Variants in PKHD1 observed in about 807,000 individuals in gnomAD.
PKHD1 encodes the protein fibrocystin.
PKHD1 carries 291 observed loss-of-function variants against 412.0 expected under a neutral mutation model. The ratio of observed to expected loss-of-function variants is 0.71; its 90% CI spans 0.64 to 0.78. PKHD1 has a LOEUF of 0.78. Among genes scored for constraint, PKHD1 ranks in the 30% least tolerant of loss-of-function variants. PKHD1 has a pLI of 0.00. For missense variants in PKHD1, 4,825 were observed against 4,950.7 expected, an observed-to-expected ratio of 0.97 and a Z score of 0.76; for synonymous variants, 1,777 against 1,821.5, an observed-to-expected ratio of 0.98 and a Z score of 0.62.
intron 56 of PKHD1, among the ~76,000 whole-genome samples, chr6:51,754,045 C>G (rs1786553270): frequency 6.6e-6 from 1 of 152,152 alleles, no homozygotes; most frequent in African/African-American, 2.4e-5. Flanking sequence ...TTAGATATTC[C>G]TGGTGAAACC....
intron 35 of PKHD1, among the ~76,000 whole-genome samples, chr6:52,002,762 A>G (rs1227226034): frequency 6.6e-6 from 1 of 152,226 alleles, no homozygotes; most frequent in Non-Finnish European, 1.5e-5. Flanking sequence ...GTAATAGGAG[A>G]AACAAAATTA....
chr6:51,944,146 A>G (rs190374045), intron 36 of PKHD1, among the ~76,000 whole-genome samples: 12 of 152,278 alleles, frequency 7.9e-5, no homozygotes, highest in East Asian at 5.8e-4. Context: ...TGAAATGGCC[A>G]GTCCTTGCCT....
intron 35 of PKHD1, among the ~76,000 whole-genome samples, chr6:51,978,555 A>G (rs1300801140): frequency 6.6e-6 from 1 of 152,168 alleles, no homozygotes; most frequent in Admixed American, 6.5e-5. Context: ...AAGTCAACAG[A>G]GGATTAGGGG....
At chr6:51,721,492 C>G (rs886599919) in intron 60 of PKHD1, 1 of 914,554 alleles carries the variant, frequency 1.1e-6, no homozygotes, top group Non-Finnish European at 1.3e-6. Context: ...TCACCTATCA[C>G]TTTATTCCAG....
intron 40 of PKHD1, among the ~76,000 whole-genome samples, chr6:51,908,639 G>GT (rs1308080102): frequency 6.6e-6 from 1 of 152,090 alleles, no homozygotes; most frequent in African/African-American, 2.4e-5. Context: ...GTCATATTCT[G>GT]TTTTTCTGAT....
chr6:51,769,322 C>A (rs1429434794), intron 55 of PKHD1, among the ~76,000 whole-genome samples: 1 of 151,336 alleles, frequency 6.6e-6, no homozygotes, highest in Non-Finnish European at 1.5e-5. Context: ...AAATTTATAT[C>A]TTTCACTATT....
At chr6:51,665,520 G>T (rs956416511) in intron 60 of PKHD1, among the ~76,000 whole-genome samples, 3 of 152,082 alleles carry the variant, frequency 2.0e-5, no homozygotes, top group Non-Finnish European at 4.4e-5. Context: ...ATTTCAGCAA[G>T]AATTTTTACC....
intron 35 of PKHD1, among the ~76,000 whole-genome samples, chr6:51,997,983 G>A (rs1017202785): frequency 6.6e-6 from 1 of 152,236 alleles, no homozygotes; most frequent in Non-Finnish European, 1.5e-5. Flanking sequence ...ATGTGGAATA[G>A]AGTGGGTCTG....
In PKHD1 at chr6:51,880,779, T is replaced by TAAAAAAAAAAAAAAAAAAAAAAAAAA. The variant is rs71544105; in HGVS notation, c.7350+2288_7350+2313dup. Among the ~76,000 whole-genome samples the TAAAAAAAAAAAAAAAAAAAAAAAAAA allele has an allele frequency of 2.0e-4, 6 of 30,036 alleles. 2 individuals are homozygous for TAAAAAAAAAAAAAAAAAAAAAAAAAA. The highest frequency in any genetic ancestry group is 1.2e-3 in the African/African-American group (6 of 4,920). 19.7% of individuals were successfully genotyped at this position (30,036 alleles called of 152,430 possible). ...CTTAGAGTATAATAAAAAAAAAAATTAAAAAAAAAAAAAAAAAAAAAAAAA... is the reference window on the plus strand; with the variant it reads ...CTTAGAGTATAATAAAAAAAAAAATTAAAAAAAAAAAAAAAAAAAAAAAAAAAAAAAAAAAAAAAAAAAAAAAAAAA... On this transcript the variant is annotated intron_variant, in intron 46 of 66. Transcript: ENST00000371117.
At position 51,658,996 on chromosome 6, in the gene PKHD1, G is replaced by T. The variant is rs146224907; in HGVS notation, c.11130C>A (p.Ile3710=). The change falls in exon 61 of 67, where the codon ATC becomes ATA. Residue 3710 remains isoleucine, a synonymous_variant. Coordinates refer to ENST00000371117, the MANE Select transcript of PKHD1 (RefSeq NM_138694.4). The stretch of plus-strand genomic sequence containing the variant: ...TTGACTGAGTAACTAGTAAGGCCCC[G>T]ATAGTCATATTCAGAACATTCTCTA... ...GVLENVLNMT[I]GALLVTQSKG... The T allele has an allele frequency of 6.2e-7, 1 of 1,612,808 alleles. No homozygotes were observed. Among genetic ancestry groups the T allele is most frequent in the South Asian group, 1.1e-5 (1 of 91,048 alleles).
chr6:51,958,370 G>A (rs1009626561), intron 36 of PKHD1, among the ~76,000 whole-genome samples: 1 of 152,048 alleles, frequency 6.6e-6, no homozygotes, highest in Non-Finnish European at 1.5e-5. Context: ...AACCACTATT[G>A]GAGGTTGGGG....
At chr6:51,657,656 C>A (rs1772101598) in intron 61 of PKHD1, among the ~76,000 whole-genome samples, 1 of 152,034 alleles carries the variant, frequency 6.6e-6, no homozygotes, top group South Asian at 2.1e-4. Context: ...TAAAAGTGAT[C>A]TTTTCTCTGA....
intron 52 of PKHD1, among the ~76,000 whole-genome samples, chr6:51,804,264 GTAGTTCTAT>G (rs1763370027): frequency 6.9e-6 from 1 of 144,270 alleles, no homozygotes; most frequent in African/African-American, 2.6e-5. Context: ...AAGGGTCTCA[GTAGTTCTAT>G]AGTTCCAGTA....
chr6:51,696,591 A>T (rs1778827752), intron 60 of PKHD1, among the ~76,000 whole-genome samples: 1 of 152,170 alleles, frequency 6.6e-6, no homozygotes, highest in Non-Finnish European at 1.5e-5. Flanking sequence ...TAAAGAGTTT[A>T]TTTTCAGAAC....
At chr6:51,898,928 A>G (rs1020053581) in intron 43 of PKHD1, among the ~76,000 whole-genome samples, 3 of 152,262 alleles carry the variant, frequency 2.0e-5, no homozygotes, top group Non-Finnish European at 4.4e-5. Context: ...GAAATGGATA[A>G]ATTCCTGAAC....
intron 60 of PKHD1, among the ~76,000 whole-genome samples, chr6:51,690,271 CAAAAAAAA>C (rs70977310): frequency 9.1e-6 from 1 of 109,920 alleles, no homozygotes; most frequent in Non-Finnish European, 1.8e-5. Context: ...GACTCCATCT[CAAAAAAAA>C]AAAAAAAAAA....
At chr6:51,653,931 A>T in intron 61 of PKHD1, among the ~76,000 whole-genome samples, 1 of 152,216 alleles carries the variant, frequency 6.6e-6, no homozygotes, top group Admixed American at 6.5e-5. Flanking sequence ...ATTTTTAAAG[A>T]CCATACGCAA....
chr6:51,710,935 G>A (rs761160295), intron 60 of PKHD1, among the ~76,000 whole-genome samples: 2 of 152,088 alleles, frequency 1.3e-5, no homozygotes, highest in Admixed American at 6.5e-5. Flanking sequence ...ATTTCCTTAG[G>A]AGGCTGTATC....
intron 43 of PKHD1, among the ~76,000 whole-genome samples, chr6:51,891,824 G>A (rs1294689207): frequency 6.6e-6 from 1 of 151,876 alleles, no homozygotes; most frequent in Non-Finnish European, 1.5e-5. Flanking sequence ...CCAATTCCCT[G>A]CCTTGTGTGA....
Sources: allele counts gnomAD v4.1 joint callset (sites outside exome capture counted in the v4.1 genomes callset), GRCh38; gene constraint gnomAD v4.1.1; transcripts MANE v1.5; gene names NCBI Gene and HGNC (gene_info 2026-07-23, HGNC 2026-07-21).